The following CEP44 variants were observed in gnomAD, a reference collection of about 807,000 sequenced individuals.
CEP44 encodes the protein centrosomal protein 44.
A neutral mutation model predicts 46.7 loss-of-function variants in CEP44; 45 were observed. The ratio of observed to expected loss-of-function variants is 0.96; its 90% CI spans 0.76 to 1.24. CEP44 has a LOEUF of 1.24. CEP44 is among the 50% of genes most tolerant of loss of function. The pLI is 0.00. For synonymous variants in CEP44, 142 were observed against 146.0 expected (o/e 0.97, Z 0.20); for missense variants, 475 against 459.7 (o/e 1.03, Z -0.30).
chr4:174,303,925 A>T lies in CEP44; in HGVS notation c.384+76A>T, dbSNP rs80334584. The T allele has an allele frequency of 1.0e-3, 1,001 of 980,100 alleles. 10 individuals carry two copies. In the African/African-American group the frequency reaches 0.015, roughly 15 times the overall value. 60.7% of individuals were successfully genotyped at this position (980,100 alleles called of 1,614,324 possible). On this transcript the variant is annotated intron_variant, in intron 5 of 11. Coordinates refer to ENST00000503780, the MANE Select transcript of CEP44 (RefSeq NM_001040157.3). ...TCAGTATTTTAATGTATAAAATCAA[A>T]ACCCTAGACAGCAAATTATTTCATA...
rs1560915759 is a variant in CEP44, at chr4:174,316,150, C to G, written c.962-16C>G. 1 of 1,608,300 alleles carries G rather than the reference C, an allele frequency of 6.2e-7. No homozygotes were observed. ...TGTGAAAGGAAAAGGTAATCTAAAACTTAATTTCTTCACAGACAGAAAAAG... is the reference window on the plus strand; with the variant it reads ...TGTGAAAGGAAAAGGTAATCTAAAAGTTAATTTCTTCACAGACAGAAAAAG... On this transcript the variant is annotated splice_polypyrimidine_tract_variant and intron_variant, in intron 9 of 11. Transcript: ENST00000503780.
Position 174,317,641 on chromosome 4 carries a change from A to C in CEP44, c.*258A>C, listed in dbSNP as rs1238870872. ...TCCAGTATATTTCTCTTACAGAGTG[A>C]AGTCATTACAGCACTGTATTTCTGT... On this transcript the variant is annotated 3_prime_UTR_variant, in exon 12 of 12. Transcript: ENST00000503780. The C allele has an allele frequency of 1.9e-6, 2 of 1,042,476 alleles. No homozygotes were observed. The highest frequency in any genetic ancestry group is 3.4e-5 in the African/African-American group (2 of 59,198). The allele number at this position is 1,042,476 out of a possible 1,614,324, so 64.6% of individuals were successfully genotyped here. A position where few individuals can be genotyped will look rare whatever the true frequency, so the allele number is the denominator to read the frequency against.
At position 174,326,725 on chromosome 4, in the gene CEP44, T is replaced by C. The variant is rs1314699705; in HGVS notation, c.1087-4757T>C. ...ATTCTGGAAAAGTCTTTATTTCACCTTCATTTTCAAATGAAGGATACAATT... is the reference window on the plus strand; with the variant it reads ...ATTCTGGAAAAGTCTTTATTTCACCCTCATTTTCAAATGAAGGATACAATT... On this transcript the variant is annotated intron_variant, in intron 8 of 8. Coordinates refer to the CEP44 transcript ENST00000426172. The surrounding 1 kb of genome is among the most constrained non-coding windows in gnomAD (Gnocchi z 4.8). Among the ~76,000 whole-genome samples the C allele has an allele frequency of 6.6e-6, 1 of 152,044 alleles. No individual in the cohort carries two copies. The highest frequency in any genetic ancestry group is 1.5e-5 in the Non-Finnish European group (1 of 67,952).
chr4:174,316,352 G>T (rs1336876290), intron 10 of CEP44, 62 bp downstream of exon 10: 1 of 1,526,648 alleles, frequency 6.6e-7, no homozygotes, highest in African/African-American at 1.4e-5. Flanking sequence ...ATTAGCTTTT[G>T]TTGTAAATAT....
At chr4:174,284,984 A>G (rs1324542600) in intron 1 of CEP44, among the ~76,000 whole-genome samples, 1 of 152,222 alleles carries the variant, frequency 6.6e-6, no homozygotes, top group Non-Finnish European at 1.5e-5. Flanking sequence ...ATGACCTCTA[A>G]CAGCAATGAG....
In CEP44 at chr4:174,325,541, G is replaced by T. The variant is rs1665053980; in HGVS notation, c.1087-5941G>T. Among the ~76,000 whole-genome samples the T allele has an allele frequency of 6.6e-6, 1 of 152,086 alleles. No individual in the cohort carries two copies. The highest frequency in any genetic ancestry group is 2.1e-4 in the South Asian group (1 of 4,826). The stretch of plus-strand genomic sequence containing the variant: ...ATAGTGGTATGCACCTGTAGTCCTA[G>T]CTACTCGAGAGGCTGAGGTGGGAAG... On this transcript the variant is annotated intron_variant, in intron 8 of 8. Coordinates refer to the CEP44 transcript ENST00000426172. This position sits in a 1 kb window ranked among gnomAD's most constrained non-coding sequence, Gnocchi z 4.4.
chr4:174,305,380 G>C (rs1342898327), intron 6 of CEP44, among the ~76,000 whole-genome samples: 1 of 152,168 alleles, frequency 6.6e-6, no homozygotes, highest in East Asian at 1.9e-4. Context: ...CTTGAACCCT[G>C]GAGGCAGAGG....
rs1579100200 is a variant in CEP44 at position 174,300,061 on chromosome 4, G to A, written c.89+851G>A. 2.0e-5 allele frequency among the ~76,000 whole-genome samples: 3 copies of A among 152,154 alleles called. No individual in the cohort carries two copies. The East Asian group carries it at 5.8e-4, about 29-fold the overall frequency. ...CATGGCACATATTAGGAGTTGATTA[G>A]ACATTTATTGAATGAATGAGTGTCC... On this transcript the variant is annotated intron_variant, in intron 3 of 11. Transcript: ENST00000503780.
At chr4:174,316,336 G>A (rs1275620128) in intron 10 of CEP44, 46 bp downstream of exon 10, 21 of 1,558,138 alleles carry the variant, frequency 1.3e-5, no homozygotes, top group Non-Finnish European at 1.9e-5. Context: ...AGGAAAACAA[G>A]CAAGCATTAG....
rs186580973 is a variant in CEP44 at position 174,301,982 on chromosome 4, T to G, written c.90-57T>G. 6.9e-7 allele frequency: 1 copy of G among 1,444,326 alleles called. No individual in the cohort carries two copies. Among genetic ancestry groups the G allele is most frequent in the Non-Finnish European group, 9.4e-7 (1 of 1,065,460 alleles). 89.5% of individuals were successfully genotyped at this position (1,444,326 alleles called of 1,614,324 possible). On this transcript the variant is annotated intron_variant, in intron 3 of 11. Coordinates refer to ENST00000503780, the MANE Select transcript of CEP44 (RefSeq NM_001040157.3). The surrounding 1 kb of genome is among the most constrained non-coding windows in gnomAD (Gnocchi z 4.3). ...TAATATTTTCTTGATTATCCAACTT[T>G]GTGGAATTATGCTTATTAAATGCTT...
Position 174,290,869 on chromosome 4 carries a change from A to G in CEP44, c.-148+6926A>G, listed in dbSNP as rs145120220. Among the ~76,000 whole-genome samples the G allele has an allele frequency of 1.3e-5, 2 of 152,216 alleles. No homozygotes were observed. Among genetic ancestry groups the G allele is most frequent in the East Asian group, 3.9e-4 (2 of 5,184 alleles). On this transcript the variant is annotated intron_variant, in intron 1 of 11. Transcript: ENST00000503780. The surrounding 1 kb of genome is among the most constrained non-coding windows in gnomAD (Gnocchi z 4.3). ...GTATTTTTAGTTGTTGTATCTTTCT[A>G]TTGAATTGACCCTTTTACTATTATA...
rs903671801 is a variant in CEP44 at position 174,310,385 on chromosome 4, A to G, written c.885+329A>G. Among the ~76,000 whole-genome samples the G allele has an allele frequency of 1.6e-4, 25 of 151,982 alleles. No homozygotes were observed. Among genetic ancestry groups the G allele is most frequent in the Non-Finnish European group, 3.1e-4 (21 of 67,898 alleles). On this transcript the variant is annotated intron_variant, in intron 8 of 11. Coordinates refer to ENST00000503780, the MANE Select transcript of CEP44 (RefSeq NM_001040157.3). This position sits in a 1 kb window ranked among gnomAD's most constrained non-coding sequence, Gnocchi z 4.2. ...TATCTTTTAATAGTACAAATAACCT[A>G]TTTTCATAGGGTAGAAAAGATACAG... is the stretch of plus-strand genomic sequence containing the variant.
chr4:174,290,771 G>A lies in CEP44; in HGVS notation c.-148+6828G>A, dbSNP rs1289235641. Among the ~76,000 whole-genome samples, 2 of 152,044 alleles carry A rather than the reference G, an allele frequency of 1.3e-5. No individual in the cohort carries two copies. Among genetic ancestry groups the A allele is most frequent in the East Asian group, 1.9e-4 (1 of 5,196 alleles). The stretch of plus-strand genomic sequence containing the variant: ...TCAAAGTCTCCTTCTATATTGTATC[G>A]ATATCTATTTCTTCCTTCAAATCTG... On this transcript the variant is annotated intron_variant, in intron 1 of 11. Transcript: ENST00000503780. This position sits in a 1 kb window ranked among gnomAD's most constrained non-coding sequence, Gnocchi z 4.3.
At chr4:174,327,885 T>C (rs2126702799) in intron 8 of CEP44, among the ~76,000 whole-genome samples, 1 of 152,180 alleles carries the variant, frequency 6.6e-6, no homozygotes, top group Non-Finnish European at 1.5e-5. Context: ...TAAATCTGCA[T>C]TTTGAAAACT....
At position 174,331,583 on chromosome 4, in the gene CEP44, C is replaced by T. The variant is rs1197190329; in HGVS notation, c.1188C>T (p.Leu396=). 1 of 1,551,344 alleles carries T rather than the reference C, an allele frequency of 6.4e-7. No individual in the cohort carries two copies. The highest frequency in any genetic ancestry group is 2.0e-5 in the Admixed American group (1 of 50,978). Residue 396 remains leucine (L), a synonymous_variant, in exon 9 of 9, where the codon CTC becomes CTT. Transcript: ENST00000426172. This position sits in a 1 kb window ranked among gnomAD's most constrained non-coding sequence, Gnocchi z 4.5. ...CATCACAGAGCTTTGCTTGGCCTCT[C>T]TCCTGTGTGTAATCTCTGTTTCTTG...
rs998860257 is a variant in CEP44 at position 174,319,496 on chromosome 4, A to T, written c.*2113A>T. 2.0e-5 allele frequency: 19 copies of T among 935,202 alleles called. No homozygotes were observed. Among genetic ancestry groups the T allele is most frequent in the Non-Finnish European group, 2.4e-5 (19 of 784,456 alleles). The allele number at this position is 935,202 out of a possible 1,614,324, so 57.9% of individuals were successfully genotyped here. ...CATTTTTGAAGTTTTCTTATGGAAG[A>T]TAGAAAAAAAGTTAAGTCTCTTTCT... On this transcript the variant is annotated 3_prime_UTR_variant, in exon 12 of 12. Coordinates refer to ENST00000503780, the MANE Select transcript of CEP44 (RefSeq NM_001040157.3).
intron 1 of CEP44, among the ~76,000 whole-genome samples, chr4:174,292,426 G>A (rs555469000): frequency 1.6e-4 from 24 of 152,250 alleles, no homozygotes; most frequent in African/African-American, 5.8e-4. Context: ...TAAGTTTTCA[G>A]CCATAATCTA....
Position 174,331,735 on chromosome 4 carries a change from T to C in CEP44, c.*140T>C. 8.9e-7 allele frequency: 1 copy of C among 1,123,448 alleles called. No homozygotes were observed. The highest frequency in any genetic ancestry group is 2.7e-5 in the East Asian group (1 of 37,248). 69.6% of individuals were successfully genotyped at this position (1,123,448 alleles called of 1,614,324 possible). A position where few individuals can be genotyped will look rare whatever the true frequency, so the allele number is the denominator to read the frequency against. ...GCTCTTTTAATGGGCATATCAAAAC[T>C]GATGACTTTTTCCTTCCTGCTACAT... On this transcript the variant is annotated 3_prime_UTR_variant, in exon 9 of 9. Transcript: ENST00000426172. The surrounding 1 kb of genome is among the most constrained non-coding windows in gnomAD (Gnocchi z 4.5).
rs377437232 is a variant in CEP44, at chr4:174,290,214, A to C, written c.-148+6271A>C. ...ACTTCTCTTATTCTGCTTTTACTGC[A>C]TCCTATATGTTTGGGTATACTGTGT... On this transcript the variant is annotated intron_variant, in intron 1 of 11. Coordinates refer to ENST00000503780, the MANE Select transcript of CEP44 (RefSeq NM_001040157.3). This position sits in a 1 kb window ranked among gnomAD's most constrained non-coding sequence, Gnocchi z 4.3. Among the ~76,000 whole-genome samples the C allele has an allele frequency of 3.9e-5, 6 of 152,078 alleles. No individual in the cohort carries two copies. The South Asian group carries it at 6.2e-4, about 16-fold the overall frequency.
Sources: allele counts gnomAD v4.1 joint callset (sites outside exome capture counted in the v4.1 genomes callset), GRCh38; gene constraint gnomAD v4.1.1; non-coding constraint Gnocchi (gnomAD v3.1); transcripts MANE v1.5; gene names NCBI Gene and HGNC (gene_info 2026-07-23, HGNC 2026-07-21).